ATG9A: variants seen among roughly 807,000 people sequenced by gnomAD.
The protein encoded by ATG9A is autophagy related 9A.
In ATG9A, 21 loss-of-function variants were observed where a neutral mutation model predicts 87.1. The ratio of observed to expected loss-of-function variants is 0.24; its 90% CI spans 0.17 to 0.35. The LOEUF is 0.35. Among genes scored for constraint, ATG9A ranks in the 10% least tolerant of loss-of-function variants. The probability of loss-of-function intolerance (pLI) is 1.00; values close to 1 mark genes in which losing one functional copy is unlikely to be tolerated. For missense variants in ATG9A, 836 were observed against 1,107.3 expected, an observed-to-expected ratio of 0.76 and a Z score of 3.48; for synonymous variants, 422 against 441.3, an observed-to-expected ratio of 0.96 and a Z score of 0.55.
At position 219,223,667 on chromosome 2, in the gene ATG9A, C is replaced by T. The variant is rs2106440281; in HGVS notation, c.1517G>A (p.Arg506Gln). Reference sequence around the variant, plus strand: ...ACCAACGACCTCCACGGTGAAGTTTCGGAAGAAGTCTATAATCTCCAGGGC... The same window carrying T: ...ACCAACGACCTCCACGGTGAAGTTTTGGAAGAAGTCTATAATCTCCAGGGC... ...PRALEIIDFF[R>Q]NFTVEVVGVG... Residue 506 changes from arginine to glutamine, a missense_variant, in exon 10 of 16, where the codon CGA (arginine) becomes CAA (glutamine). Physicochemically the swap from Arg to Gln is conservative, Grantham distance 43. Transcript: ENST00000361242. The surrounding 1 kb of genome is among the most constrained non-coding windows in gnomAD (Gnocchi z 4.7). 3.1e-6 allele frequency: 5 copies of T among 1,613,860 alleles called. No homozygotes were observed. The highest frequency in any genetic ancestry group is 4.2e-6 in the Non-Finnish European group (5 of 1,179,968).
At chr2:219,227,729 T>C (rs1408805595) in intron 4 of ATG9A, 41 bp downstream of exon 4, 2 of 1,607,072 alleles carry the variant, frequency 1.2e-6, no homozygotes, top group Admixed American at 1.7e-5. Flanking sequence ...TAGAGAGACA[T>C]TAAAGGTCCC....
At chr2:219,227,043 A>C (rs72955440) in intron 4 of ATG9A, 110 bp from the exon 5 acceptor site, 81,418 of 893,138 alleles carry the variant, frequency 0.091, 4,644 homozygotes, top group South Asian at 0.18. Flanking sequence ...TAGCTGTGTG[A>C]CTTTACCAAG....
rs1950726939 is a variant in ATG9A, at chr2:219,220,442, C to T, written c.*5G>A. 2.5e-6 allele frequency: 4 copies of T among 1,613,738 alleles called. No individual in the cohort carries two copies. Among genetic ancestry groups the T allele is most frequent in the South Asian group, 1.1e-5 (1 of 91,076 alleles). On this transcript the variant is annotated 3_prime_UTR_variant, in exon 16 of 16. Coordinates refer to ENST00000361242, the MANE Select transcript of ATG9A (RefSeq NM_001077198.3). The stretch of plus-strand genomic sequence containing the variant: ...CTGGGCCACAGGAACCCTGCTCAGC[C>T]TTGTCTATACCTGTGGGGAGAAAGG...
Position 219,224,369 on chromosome 2 carries a change from G to A in ATG9A, c.1002C>T (p.Leu334=). 1.2e-6 allele frequency: 2 copies of A among 1,613,834 alleles called. No individual in the cohort carries two copies. Among genetic ancestry groups the A allele is most frequent in the Middle Eastern group, 1.7e-4 (1 of 6,056 alleles). ...AGTGGCGGAGGTAGCAGCGGCCATA[G>A]AGTGACCAGCAGCGTGCTCCCAGGG... ...PGALGARCWS[L]YGRCYLRHFN... is the part of the protein sequence containing the mutation. The change falls in exon 8 of 16, where the codon CTC becomes CTT. Residue 334 remains leucine, a synonymous_variant. Transcript: ENST00000361242. This position sits in a 1 kb window ranked among gnomAD's most constrained non-coding sequence, Gnocchi z 7.7.
chr2:219,220,855 A>G lies in ATG9A; in HGVS notation c.2406T>C (p.Ser802=), dbSNP rs202202894. Residue 802 remains serine (S), a synonymous_variant, in exon 15 of 16, where the codon TCT becomes TCC. Transcript: ENST00000361242. The part of the protein sequence containing the change: ...GTVPRVPSHF[S]RLPLGGWAED... Reference sequence around the variant, plus strand: ...CTGCCCACCCTCCAAGAGGCAGCCGAGAGAAATGAGAGGGAACCCTGGGCA... The same window carrying G: ...CTGCCCACCCTCCAAGAGGCAGCCGGGAGAAATGAGAGGGAACCCTGGGCA... 1.3e-5 allele frequency: 21 copies of G among 1,613,372 alleles called. No homozygotes were observed. In the Admixed American group the frequency reaches 3.3e-4, roughly 26 times the overall value.
Position 219,221,286 on chromosome 2 carries a change from G to A in ATG9A, c.2162C>T (p.Ala721Val). ...LYMHQLHKQQ[A>V]QAEPERHVWH... ...TACATGCCGCTCAGGTTCAGCCTGGGCCTGCTGCTTGTGGAGCTGGAGAAA... is the reference window on the plus strand; with the variant it reads ...TACATGCCGCTCAGGTTCAGCCTGGACCTGCTGCTTGTGGAGCTGGAGAAA... Residue 721 changes from alanine to valine, a missense_variant, in exon 14 of 16, where the codon GCC (alanine) becomes GTC (valine). Ala to Val is a moderately conservative substitution (Grantham distance 64). This residue lies in a region of ATG9A where 324 missense variants were observed against 347.6 expected (regional missense o/e 0.93). Transcript: ENST00000361242. The A allele has an allele frequency of 6.4e-7, 1 of 1,563,804 alleles. No individual in the cohort carries two copies. The highest frequency in any genetic ancestry group is 8.6e-7 in the Non-Finnish European group (1 of 1,156,392).
In ATG9A at chr2:219,222,459, G is replaced by C. The variant is rs763667463; in HGVS notation, c.1849-9C>G. 10 of 1,549,640 alleles carry C rather than the reference G, an allele frequency of 6.5e-6. No individual in the cohort carries two copies. Among genetic ancestry groups the C allele is most frequent in the Non-Finnish European group, 6.1e-6 (7 of 1,149,714 alleles). On this transcript the variant is annotated splice_polypyrimidine_tract_variant and intron_variant, in intron 11 of 15. Coordinates refer to ENST00000361242, the MANE Select transcript of ATG9A (RefSeq NM_001077198.3). This position sits in a 1 kb window ranked among gnomAD's most constrained non-coding sequence, Gnocchi z 4.3. ...GCGATAAGGCTCAGGGGCTATGAAC[G>C]AAACGGGTAGGTAGAATTCTTGAGG...
intron 3 of ATG9A, 25 bp downstream of exon 3, chr2:219,227,897 A>G (rs1950896060): frequency 2.5e-6 from 4 of 1,613,218 alleles, no homozygotes; most frequent in Admixed American, 1.7e-5. Context: ...AACTCTCCCT[A>G]TGGCTGTCAT....
At position 219,221,200 on chromosome 2, in the gene ATG9A, C is replaced by G. The variant is rs200858282; in HGVS notation, c.2248G>C (p.Ala750Pro). The change falls in exon 14 of 16, where the codon GCC becomes CCC. Residue 750 changes from alanine to proline, a missense_variant. By Grantham distance (27) the Ala-to-Pro change is conservative (BLOSUM62 -1). Transcript: ENST00000361242. Reference sequence around the variant, plus strand: ...CGAGGGATAGACTGGGGGGCCCGGGCGCCCTCTCCCCCTTCATCAGGGGCG... The same window carrying G: ...CGAGGGATAGACTGGGGGGCCCGGGGGCCCTCTCCCCCTTCATCAGGGGCG... ...ESAPDEGGEG[A>P]RAPQSIPRSA... is the part of the protein sequence containing the mutation. 6.5e-5 allele frequency: 104 copies of G among 1,591,682 alleles called. No homozygotes were observed. Among genetic ancestry groups the G allele is most frequent in the Non-Finnish European group, 7.9e-5 (92 of 1,169,514 alleles).
rs371204401 is a variant in ATG9A, at chr2:219,222,040, G to T, written c.2145+10C>A. ...AAACCCTCTACTCTCTTTTTTAGCT[G>T]TGCACTCACCTGGTGCATATAGAGG... is the stretch of plus-strand genomic sequence containing the variant. On this transcript the variant is annotated intron_variant, in intron 13 of 15. Transcript: ENST00000361242. This position sits in a 1 kb window ranked among gnomAD's most constrained non-coding sequence, Gnocchi z 4.3. The T allele has an allele frequency of 8.7e-6, 14 of 1,608,270 alleles. No individual in the cohort carries two copies. The highest frequency in any genetic ancestry group is 1.3e-5 in the African/African-American group (1 of 74,676).
chr2:219,228,173 C>G, intron 2 of ATG9A, 120 bp from the exon 3 acceptor site: 2 of 665,734 alleles, frequency 3.0e-6, no homozygotes, highest in South Asian at 3.9e-5. Context: ...GCCTCCTTGG[C>G]TCAGAGGCAG....
intron 15 of ATG9A, 137 bp from the exon 16 acceptor site, chr2:219,220,589 G>T: frequency 6.7e-7 from 1 of 1,499,256 alleles, no homozygotes; most frequent in Non-Finnish European, 9.2e-7. Context: ...ACCAAGCCCT[G>T]CAGAGCAGTT....
chr2:219,228,679 C>T (rs1950923159), intron 1 of ATG9A, 194 bp from the exon 2 acceptor site: 1 of 152,310 alleles, frequency 6.6e-6, no homozygotes, highest in Non-Finnish European at 1.5e-5. Flanking sequence ...ACTCTTCCAA[C>T]TCCAGGGTCT....
chr2:219,223,272 T>G lies in ATG9A; in HGVS notation c.1599+313A>C, dbSNP rs1950800232. On this transcript the variant is annotated intron_variant, in intron 10 of 15. Coordinates refer to ENST00000361242, the MANE Select transcript of ATG9A (RefSeq NM_001077198.3). The surrounding 1 kb of genome is among the most constrained non-coding windows in gnomAD (Gnocchi z 4.7). ...CTGGCTAATTTTTTTGTATTTTTAG[T>G]AGAGAAGGGGTTTCACCGTGTTAGC... Among the ~76,000 whole-genome samples, 1 of 152,086 alleles carries G rather than the reference T, an allele frequency of 6.6e-6. No individual in the cohort carries two copies. Among genetic ancestry groups the G allele is most frequent in the Non-Finnish European group, 1.5e-5 (1 of 67,986 alleles).
At chr2:219,221,976 GA>G (rs1165320497) in intron 13 of ATG9A, 73 bp downstream of exon 13, 177 of 1,352,128 alleles carry the variant, frequency 1.3e-4, no homozygotes, top group South Asian at 6.6e-5. Flanking sequence ...GTAAATGGCA[GA>G]GAAGGGTTTG....
rs1475132432 is a variant in ATG9A, at chr2:219,222,448, G to A, written c.1851C>T (p.Pro617=). ...CTACCACATTTGCGATAAGGCTCAG[G>A]GGCTATGAACGAAACGGGTAGGTAG... The part of the protein sequence containing the change: ...SIQSLQSESE[P]LSLIANVVAG... Residue 617 remains proline, a splice_region_variant and synonymous_variant, in exon 12 of 16, where the codon CCC becomes CCT. Transcript: ENST00000361242. This position sits in a 1 kb window ranked among gnomAD's most constrained non-coding sequence, Gnocchi z 4.3. 7.7e-6 allele frequency: 12 copies of A among 1,561,396 alleles called. No homozygotes were observed. Among genetic ancestry groups the A allele is most frequent in the East Asian group, 2.2e-5 (1 of 44,470 alleles).
At chr2:219,225,245 C>T (rs1950837738) in intron 6 of ATG9A, 33 bp from the exon 7 acceptor site, 1 of 1,613,080 alleles carries the variant, frequency 6.2e-7, no homozygotes, top group African/African-American at 1.3e-5. Context: ...GGAGAGGTGG[C>T]CCTCGAGGAA....
In ATG9A at chr2:219,222,971, C is replaced by T. The variant is rs898781269; in HGVS notation, c.1600-78G>A. ...TGCACCTTTCCTGTTAGTGGGGAGG[C>T]CTTACCCTTGGAGAACGGAGACCAC... On this transcript the variant is annotated intron_variant, in intron 10 of 15. Coordinates refer to ENST00000361242, the MANE Select transcript of ATG9A (RefSeq NM_001077198.3). This position sits in a 1 kb window ranked among gnomAD's most constrained non-coding sequence, Gnocchi z 4.3. 13 of 1,575,466 alleles carry T rather than the reference C, an allele frequency of 8.3e-6. No individual in the cohort carries two copies. In the African/African-American group the frequency reaches 1.8e-4, roughly 21 times the overall value.
At chr2:219,221,036 C>T (rs984344620) in intron 14 of ATG9A, 44 bp downstream of exon 14, 2 of 1,603,114 alleles carry the variant, frequency 1.2e-6, no homozygotes, top group African/African-American at 1.3e-5. Context: ...GAAGAACCAC[C>T]CTTCCCTGCA....
Sources: allele counts gnomAD v4.1 joint callset (sites outside exome capture counted in the v4.1 genomes callset), GRCh38; gene constraint gnomAD v4.1.1; regional missense constraint gnomAD v4.1.1; non-coding constraint Gnocchi (gnomAD v3.1); transcripts MANE v1.5; gene names NCBI Gene and HGNC (gene_info 2026-07-23, HGNC 2026-07-21).